RPF2: variants seen among roughly 807,000 people sequenced by gnomAD.
RPF2 encodes ribosome production factor 2 homolog.
A neutral mutation model predicts 38.9 loss-of-function variants in RPF2; 21 were observed. The observed-to-expected ratio is 0.54, with a 90% CI of 0.38 to 0.78. RPF2 has a LOEUF of 0.78. RPF2 is among the 30% of genes least tolerant of loss of function. RPF2 has a pLI of 0.00. For synonymous variants in RPF2, 121 were observed against 126.2 expected, an observed-to-expected ratio of 0.96 and a Z score of 0.28; for missense variants, 314 against 358.1, an observed-to-expected ratio of 0.88 and a Z score of 0.99.
chr6:111,025,454 A>G lies in RPF2; in HGVS notation c.793A>G (p.Arg265Gly), dbSNP rs142797907. Residue 265 changes from arginine (R) to glycine (G), a missense_variant, in exon 10 of 10, where the codon AGG becomes GGG. Coordinates refer to ENST00000441448, the MANE Select transcript of RPF2 (RefSeq NM_032194.3). ...SHDTFGTTYG[R>G]IHMQKQDLSK... ...TGATACTTTTGGTACAACTTATGGAAGGATTCATATGCAGAAGCAAGACCT... is the reference window on the plus strand; with the variant it reads ...TGATACTTTTGGTACAACTTATGGAGGGATTCATATGCAGAAGCAAGACCT... The G allele has an allele frequency of 6.2e-7, 1 of 1,612,732 alleles. No individual in the cohort carries two copies. The highest frequency in any genetic ancestry group is 8.5e-7 in the Non-Finnish European group (1 of 1,179,210).
intron 6 of RPF2, among the ~76,000 whole-genome samples, chr6:111,003,622 G>C (rs1771852081): frequency 1.3e-5 from 2 of 152,106 alleles, no homozygotes; most frequent in Admixed American, 1.3e-4. Flanking sequence ...AATGAAGTAA[G>C]ACTAGCCTGG....
intron 7 of RPF2, among the ~76,000 whole-genome samples, chr6:111,014,230 A>G (rs111351699): frequency 1.3e-5 from 2 of 150,668 alleles, no homozygotes; most frequent in African/African-American, 4.9e-5. Flanking sequence ...TCCGCCTCCC[A>G]GGTTCAAGTG....
intron 8 of RPF2, among the ~76,000 whole-genome samples, chr6:111,017,028 G>A (rs1255103509): frequency 2.6e-5 from 4 of 152,208 alleles, no homozygotes; most frequent in Admixed American, 6.5e-5. Flanking sequence ...AGCATCCCAA[G>A]GCAGAAGAAT....
chr6:111,019,545 T>C (rs1772191257), intron 8 of RPF2, among the ~76,000 whole-genome samples: 1 of 152,132 alleles, frequency 6.6e-6, no homozygotes, highest in Non-Finnish European at 1.5e-5. Flanking sequence ...CAGACCAGCC[T>C]GGCCAACATG....
intron 6 of RPF2, among the ~76,000 whole-genome samples, chr6:111,003,373 A>G (rs915158191): frequency 6.7e-6 from 1 of 149,130 alleles, no homozygotes; most frequent in South Asian, 2.1e-4. Flanking sequence ...TCACTGCAAC[A>G]TGCGCCTACC....
chr6:111,020,886 G>A (rs1236742714), intron 8 of RPF2, among the ~76,000 whole-genome samples: 1 of 152,040 alleles, frequency 6.6e-6, no homozygotes, highest in Non-Finnish European at 1.5e-5. Context: ...TAGCAGTAAG[G>A]CCGGGCACGG....
At chr6:110,996,004 G>T (rs925296188) in intron 4 of RPF2, among the ~76,000 whole-genome samples, 7 of 152,012 alleles carry the variant, frequency 4.6e-5, no homozygotes, top group Non-Finnish European at 1.0e-4. Context: ...TTTTCTTAGA[G>T]ACAGGGTTTC....
intron 2 of RPF2, among the ~76,000 whole-genome samples, chr6:110,986,766 A>G (rs1771532318): frequency 6.6e-6 from 1 of 152,064 alleles, no homozygotes; most frequent in South Asian, 2.1e-4. Flanking sequence ...AGCCTGGCTA[A>G]CACGGTGAAA....
chr6:111,002,511 T>G (rs1771826852), intron 6 of RPF2, among the ~76,000 whole-genome samples: 1 of 151,918 alleles, frequency 6.6e-6, no homozygotes, highest in African/African-American at 2.4e-5. Flanking sequence ...CCACATTTTT[T>G]TTTAAGAAAT....
chr6:110,989,212 G>A, intron 3 of RPF2, 147 bp downstream of exon 3: 2 of 888,974 alleles, frequency 2.2e-6, no homozygotes, highest in Non-Finnish European at 3.1e-6. Flanking sequence ...CTTTCTTTTG[G>A]TCTGTTTTTT....
chr6:111,019,729 C>T (rs1772195612), intron 8 of RPF2, among the ~76,000 whole-genome samples: 1 of 151,988 alleles, frequency 6.6e-6, no homozygotes. Context: ...CCATCTCAGA[C>T]ATAAAGTAAT....
chr6:111,006,569 G>T (rs895194386), intron 6 of RPF2, among the ~76,000 whole-genome samples: 1 of 152,010 alleles, frequency 6.6e-6, no homozygotes, highest in Admixed American at 6.6e-5. Context: ...TTTTTATAGG[G>T]TATAGTGGGA....
At chr6:110,988,890 A>C in intron 2 of RPF2, 138 bp from the exon 3 acceptor site, 1 of 1,088,698 alleles carries the variant, frequency 9.2e-7, no homozygotes, top group Non-Finnish European at 1.3e-6. Context: ...AAGTGATGAA[A>C]AGGGAGCCAG....
intron 9 of RPF2, among the ~76,000 whole-genome samples, chr6:111,024,795 C>T (rs1272963908): frequency 6.7e-6 from 1 of 150,226 alleles, no homozygotes; most frequent in Non-Finnish European, 1.5e-5. Context: ...GGAGAGAGAA[C>T]CAAATAAGCC....
intron 7 of RPF2, among the ~76,000 whole-genome samples, chr6:111,009,146 C>T (rs1016020317): frequency 6.6e-6 from 1 of 152,256 alleles, no homozygotes; most frequent in Non-Finnish European, 1.5e-5. Context: ...AGCTCCACCT[C>T]CCGGGTTCAC....
Position 110,982,116 on chromosome 6 carries a change from C to T in RPF2, c.10C>T (p.Leu4=). MDT[L]DRVVKPKTKR... is the part of the protein sequence containing the mutation. Reference sequence around the variant, plus strand: ...GCAGGTAGCGGTAGCGATGGACACTCTGGATCGAGTAGTGTAAGTGCGCTG... The same window carrying T: ...GCAGGTAGCGGTAGCGATGGACACTTTGGATCGAGTAGTGTAAGTGCGCTG... Residue 4 remains leucine (L), a synonymous_variant, in exon 1 of 10, where the codon CTG becomes TTG. Coordinates refer to ENST00000441448, the MANE Select transcript of RPF2 (RefSeq NM_032194.3). The T allele has an allele frequency of 6.2e-7, 1 of 1,614,226 alleles. No homozygotes were observed.
At chr6:111,008,487 G>A (rs1393401108) in intron 7 of RPF2, among the ~76,000 whole-genome samples, 1 of 151,832 alleles carries the variant, frequency 6.6e-6, no homozygotes, top group Non-Finnish European at 1.5e-5. Flanking sequence ...GTACTGTGTA[G>A]ATGATTATTT....
intron 2 of RPF2, among the ~76,000 whole-genome samples, chr6:110,988,090 G>A (rs1405296829): frequency 3.3e-5 from 5 of 152,008 alleles, no homozygotes; most frequent in African/African-American, 9.7e-5. Flanking sequence ...GCATGTGTCT[G>A]TACTTGGGAG....
At chr6:110,990,692 C>T (rs943938197) in intron 3 of RPF2, among the ~76,000 whole-genome samples, 1 of 151,598 alleles carries the variant, frequency 6.6e-6, no homozygotes, top group African/African-American at 2.4e-5. Flanking sequence ...TCAAGCGATT[C>T]TCCTGCCTCA....
Sources: allele counts gnomAD v4.1 joint callset (sites outside exome capture counted in the v4.1 genomes callset), GRCh38; gene constraint gnomAD v4.1.1; transcripts MANE v1.5; gene names NCBI Gene and HGNC (gene_info 2026-07-23, HGNC 2026-07-21).